The following UTP20 variants were observed in gnomAD, a reference collection of about 807,000 sequenced individuals.
UTP20 encodes the protein small subunit processome component 20 homolog.
Under a neutral mutation model 329.5 loss-of-function variants are expected in UTP20, and 164 were observed. The ratio of observed to expected loss-of-function variants is 0.50; its 90% confidence interval spans 0.44 to 0.57. The LOEUF (loss-of-function observed/expected upper bound fraction) is 0.57. Among genes scored for constraint, UTP20 ranks in the 20% least tolerant of loss-of-function variants. The pLI is 0.00. For missense variants in UTP20, 3,055 were observed against 3,284.2 expected, an observed-to-expected ratio of 0.93 and a Z score of 1.71; for synonymous variants, 1,151 against 1,159.3, an observed-to-expected ratio of 0.99 and a Z score of 0.14.
intron 18 of UTP20, 84 bp downstream of exon 18, chr12:101,308,427 TAATA>T: frequency 3.9e-6 from 2 of 511,416 alleles, no homozygotes; most frequent in Non-Finnish European, 5.2e-6. Flanking sequence ...GTCACCAAAA[TAATA>T]ATAATAATAA....
intron 19 of UTP20, among the ~76,000 whole-genome samples, chr12:101,310,495 A>C (rs995923252): frequency 2.8e-5 from 4 of 142,296 alleles, no homozygotes; most frequent in African/African-American, 1.1e-4. Context: ...GAATCACTTG[A>C]ACCTGGGAGG....
chr12:101,365,072 TTGTGTGTGTGTGTGTGTGTGTGTGTGTG>T (rs60890980), intron 45 of UTP20, among the ~76,000 whole-genome samples: 3 of 141,916 alleles, frequency 2.1e-5, no homozygotes. Context: ...ATTTTGTTGA[TTGTGTGTGTGTGTGTGTGTGTGTGTGTG>T]TGTGTGTGTG....
intron 22 of UTP20, among the ~76,000 whole-genome samples, chr12:101,319,183 A>G: frequency 6.6e-6 from 1 of 152,226 alleles, no homozygotes; most frequent in East Asian, 1.9e-4. Flanking sequence ...ATATTCTACT[A>G]CTTTCCTGTC....
Position 101,334,431 on chromosome 12 carries a change from A to T in UTP20, c.3568A>T (p.Arg1190Trp), listed in dbSNP as rs1220790601. Residue 1190 changes from arginine (R) to tryptophan (W), a missense_variant, in exon 29 of 62, where the codon AGG becomes TGG. Arg to Trp is a moderately radical substitution (Grantham distance 101). Coordinates refer to ENST00000261637, the MANE Select transcript of UTP20 (RefSeq NM_014503.3). The part of the protein sequence containing the change: ...FHGAVWPQIS[R>W]LGSESQYSPT... ...TTTTTACTTTGTCTCCTAGATCAGC[A>T]GGCTTGGATCTGAGAGTCAATATTC... is the stretch of plus-strand genomic sequence containing the variant. 25 of 1,611,544 alleles carry T rather than the reference A, an allele frequency of 1.6e-5. No individual in the cohort carries two copies. The highest frequency in any genetic ancestry group is 2.7e-5 in the African/African-American group (2 of 74,918).
chr12:101,370,581 T>G lies in UTP20; in HGVS notation c.6687+18T>G, dbSNP rs766648446. 1 of 1,608,038 alleles carries G rather than the reference T, an allele frequency of 6.2e-7. No homozygotes were observed. Among genetic ancestry groups the G allele is most frequent in the East Asian group, 2.2e-5 (1 of 44,752 alleles). On this transcript the variant is annotated intron_variant, in intron 50 of 61. Coordinates refer to ENST00000261637, the MANE Select transcript of UTP20 (RefSeq NM_014503.3). ...TTCTGAAGGTATGCTGTCGCCAGAA[T>G]GTTGACTGTTACGGTTTATGAGTTT...
chr12:101,336,992 T>G (rs1009152117), intron 29 of UTP20, among the ~76,000 whole-genome samples: 4 of 152,206 alleles, frequency 2.6e-5, no homozygotes, highest in African/African-American at 9.7e-5. Flanking sequence ...CTAGAAAAAT[T>G]TTAAGACAAC....
At chr12:101,289,402 C>G (rs1872067565) in intron 6 of UTP20, among the ~76,000 whole-genome samples, 1 of 151,386 alleles carries the variant, frequency 6.6e-6, no homozygotes, top group Non-Finnish European at 1.5e-5. Flanking sequence ...TACACACACA[C>G]ACTAGTAATA....
chr12:101,321,946 A>G (rs994930974), intron 25 of UTP20, among the ~76,000 whole-genome samples: 3 of 151,034 alleles, frequency 2.0e-5, no homozygotes, highest in Non-Finnish European at 2.9e-5. Flanking sequence ...GAGAAGCCAA[A>G]TTGGTATAGA....
At chr12:101,295,052 T>C (rs185981454) in intron 11 of UTP20, among the ~76,000 whole-genome samples, 10 of 152,324 alleles carry the variant, frequency 6.6e-5, no homozygotes, top group Non-Finnish European at 1.3e-4. Context: ...ATGCATTGCT[T>C]TCTCTGCCCA....
intron 15 of UTP20, among the ~76,000 whole-genome samples, chr12:101,304,612 A>G (rs1180897646): frequency 1.3e-5 from 2 of 152,134 alleles, no homozygotes; most frequent in Non-Finnish European, 2.9e-5. Context: ...CTGGGAGCAA[A>G]CCTGGAGACT....
chr12:101,333,339 A>G lies in UTP20; in HGVS notation c.3456A>G (p.Arg1152=). ...TTATTAATCCATTGAAAAATTTAAG[A>G]CGTCTTGGAATCAAAATGGTAACTG... The part of the protein sequence containing the change: ...LRFINPLKNL[R]RLGIKMVTDI... Residue 1152 remains arginine (R), a synonymous_variant, in exon 28 of 62, where the codon AGA becomes AGG. Coordinates refer to ENST00000261637, the MANE Select transcript of UTP20 (RefSeq NM_014503.3). 2 of 1,614,008 alleles carry G rather than the reference A, an allele frequency of 1.2e-6. No homozygotes were observed. Among genetic ancestry groups the G allele is most frequent in the Non-Finnish European group, 1.7e-6 (2 of 1,179,934 alleles).
chr12:101,338,315 T>C (rs1297281950), intron 30 of UTP20, 38 bp downstream of exon 30: 1 of 1,596,464 alleles, frequency 6.3e-7, no homozygotes, highest in Non-Finnish European at 8.6e-7. Flanking sequence ...CTTAGACTTC[T>C]GCTGTAGCAA....
At position 101,366,618 on chromosome 12, in the gene UTP20, C is replaced by A. The variant is rs1870103017; in HGVS notation, c.6186C>A (p.Pro2062=). 1 of 1,614,168 alleles carries A rather than the reference C, an allele frequency of 6.2e-7. No individual in the cohort carries two copies. Among genetic ancestry groups the A allele is most frequent in the Admixed American group, 1.7e-5 (1 of 60,010 alleles). The change falls in exon 47 of 62, where the codon CCC becomes CCA. Residue 2062 remains proline (P), a synonymous_variant. Coordinates refer to ENST00000261637, the MANE Select transcript of UTP20 (RefSeq NM_014503.3). ...CACCCCAGAGCTGCCTTCTGCTTCCCCCAACTCCAGTTCGAGGTGGACAGA... is the reference window on the plus strand; with the variant it reads ...CACCCCAGAGCTGCCTTCTGCTTCCACCAACTCCAGTTCGAGGTGGACAGA... The part of the protein sequence containing the change: ...RLPPQSCLLL[P]PTPVRGGQKA...
At chr12:101,341,410 T>C (rs1048815977) in intron 32 of UTP20, among the ~76,000 whole-genome samples, 1 of 152,208 alleles carries the variant, frequency 6.6e-6, no homozygotes, top group Non-Finnish European at 1.5e-5. Flanking sequence ...AGTCCTCCAG[T>C]GGCTCAAGCT....
At chr12:101,345,086 C>T (rs962181500) in intron 36 of UTP20, among the ~76,000 whole-genome samples, 3 of 151,904 alleles carry the variant, frequency 2.0e-5, no homozygotes, top group Non-Finnish European at 4.4e-5. Flanking sequence ...GCCGGGATTA[C>T]AGGCACATGC....
chr12:101,311,456 GCCTT>G (rs1872787834), intron 19 of UTP20, among the ~76,000 whole-genome samples: 1 of 152,052 alleles, frequency 6.6e-6, no homozygotes, highest in Non-Finnish European at 1.5e-5. Context: ...TCATCAGTGT[GCCTT>G]TAAAAATGAT....
Position 101,327,126 on chromosome 12 carries a change from G to A in UTP20, c.3087G>A (p.Gln1029=). The change falls in exon 26 of 62, where the codon CAG becomes CAA. Residue 1029 remains glutamine, a synonymous_variant. Coordinates refer to ENST00000261637, the MANE Select transcript of UTP20 (RefSeq NM_014503.3). ...RMKNKTGSKT[Q]GKSASGTRMA... Reference sequence around the variant, plus strand: ...AGAATAAGACTGGGAGTAAAACTCAGGGGAAATCTGCTTCAGGCACCCGCA... The same window carrying A: ...AGAATAAGACTGGGAGTAAAACTCAAGGGAAATCTGCTTCAGGCACCCGCA... 1 of 1,612,642 alleles carries A rather than the reference G, an allele frequency of 6.2e-7. No homozygotes were observed. The highest frequency in any genetic ancestry group is 1.1e-5 in the South Asian group (1 of 90,982).
intron 2 of UTP20, among the ~76,000 whole-genome samples, chr12:101,283,545 A>G (rs1447063316): frequency 6.6e-6 from 1 of 152,186 alleles, no homozygotes; most frequent in African/African-American, 2.4e-5. Flanking sequence ...TTACCTTGCA[A>G]AAGGACGTGA....
intron 37 of UTP20, 31 bp downstream of exon 37, chr12:101,345,725 C>G (rs754467540): frequency 1.3e-6 from 2 of 1,584,442 alleles, no homozygotes; most frequent in Admixed American, 3.7e-5. Flanking sequence ...TTCCTACCTA[C>G]GACATAAGCA....
Sources: gnomAD v4.1 joint callset for allele counts (sites outside exome capture counted in the v4.1 genomes callset) on GRCh38, gnomAD v4.1.1 for gene constraint, MANE v1.5 for transcripts, NCBI Gene and HGNC (gene_info 2026-07-23, HGNC 2026-07-21) for gene names.